TESMIN: variants seen among roughly 807,000 people sequenced by gnomAD.
The protein encoded by TESMIN is CXC domain containing 2.
TESMIN carries 34 observed loss-of-function variants against 47.4 expected under a neutral mutation model. The observed-to-expected ratio is 0.72, with a 90% CI of 0.55 to 0.96. TESMIN has a LOEUF of 0.96. TESMIN is among the 40% of genes least tolerant of loss of function. The pLI, the probability that TESMIN is intolerant of heterozygous loss-of-function variation, is 0.00. For missense variants in TESMIN, 610 were observed against 637.2 expected, an observed-to-expected ratio of 0.96 and a Z score of 0.46; for synonymous variants, 278 against 258.9, an observed-to-expected ratio of 1.07 and a Z score of -0.71.
Position 68,750,509 on chromosome 11 carries a change from T to G in TESMIN, c.152A>C (p.Glu51Ala). ...GGGGTCCGCCGGGCCCAGGTACGCT[T>G]CTTTGAAGACGTGGAACTCGTCCTC... Reference protein sequence around the residue: ...YEEDEFHVFKEAYLGPADPKE... With the variant: ...YEEDEFHVFKAAYLGPADPKE... The change falls in exon 2 of 10, where the codon GAA becomes GCA. Residue 51 changes from glutamate (E) to alanine (A), a missense_variant. Coordinates refer to ENST00000255087, the MANE Select transcript of TESMIN (RefSeq NM_004923.3). 1 of 1,604,456 alleles carries G rather than the reference T, an allele frequency of 6.2e-7. No homozygotes were observed. Among genetic ancestry groups the G allele is most frequent in the Non-Finnish European group, 8.5e-7 (1 of 1,176,084 alleles).
intron 8 of TESMIN, among the ~76,000 whole-genome samples, chr11:68,712,533 C>T (rs1461899248): frequency 1.3e-5 from 2 of 152,222 alleles, no homozygotes; most frequent in Non-Finnish European, 2.9e-5. Flanking sequence ...CTCGGCTGTT[C>T]CCCTGATAGG....
intron 5 of TESMIN, among the ~76,000 whole-genome samples, chr11:68,740,992 T>C (rs1566324737): frequency 1.3e-5 from 2 of 152,108 alleles, no homozygotes; most frequent in African/African-American, 2.4e-5. Flanking sequence ...GGGCGCATCC[T>C]TGACTCCTCT....
At chr11:68,747,132 A>T (rs1234142242) in intron 3 of TESMIN, 76 bp downstream of exon 3, 1 of 1,484,162 alleles carries the variant, frequency 6.7e-7, no homozygotes. Flanking sequence ...GAGTGAAATG[A>T]TCAGTCGACT....
intron 4 of TESMIN, 100 bp downstream of exon 4, chr11:68,744,891 T>A: frequency 9.8e-7 from 1 of 1,024,548 alleles, no homozygotes; most frequent in South Asian, 1.8e-5. Flanking sequence ...ATTTCCTATT[T>A]AATATCCTGG....
chr11:68,714,726 G>T (rs562361384), intron 7 of TESMIN, among the ~76,000 whole-genome samples: 1 of 152,288 alleles, frequency 6.6e-6, no homozygotes, highest in African/African-American at 2.4e-5. Context: ...GAACATTCCC[G>T]TACAAATCTC....
chr11:68,706,788 GT>G (rs1399216184), downstream of TESMIN, among the ~76,000 whole-genome samples: 2 of 152,228 alleles, frequency 1.3e-5, no homozygotes, highest in Non-Finnish European at 2.9e-5. Flanking sequence ...CCTTTTCAAA[GT>G]TTTACATGTA....
At chr11:68,709,319 C>G (rs1288545497) in intron 9 of TESMIN, among the ~76,000 whole-genome samples, 2 of 152,212 alleles carry the variant, frequency 1.3e-5, no homozygotes, top group Non-Finnish European at 2.9e-5. Context: ...CAGCTTTGCT[C>G]TGAGTCCTGT....
At chr11:68,732,480 G>T in intron 6 of TESMIN, 1 of 153,056 alleles carries the variant, frequency 6.5e-6, no homozygotes, top group Non-Finnish European at 1.5e-5. Flanking sequence ...GCCAGCAGCT[G>T]AGCAGCTCCC....
intron 7 of TESMIN, among the ~76,000 whole-genome samples, chr11:68,714,889 A>G (rs1464952846): frequency 6.6e-6 from 1 of 152,216 alleles, no homozygotes; most frequent in Non-Finnish European, 1.5e-5. Context: ...CAATGTATGA[A>G]AATTCCAACC....
rs999886259 is a variant in TESMIN, at chr11:68,723,981, A to T, written c.918-8042T>A. Among the ~76,000 whole-genome samples the T allele has an allele frequency of 1.1e-4, 16 of 152,246 alleles. No homozygotes were observed. In the East Asian group the frequency reaches 1.9e-3, roughly 18 times the overall value. On this transcript the variant is annotated intron_variant, in intron 6 of 9. Coordinates refer to ENST00000255087, the MANE Select transcript of TESMIN (RefSeq NM_004923.3). ...AACAAATAAATCCTACCTTACCCAA[A>T]CTTTTTTAGAGGCTAGAGAAAAAGA...
At chr11:68,715,980 C>T (rs752592353) in intron 6 of TESMIN, 41 bp from the exon 7 acceptor site, 1 of 1,329,058 alleles carries the variant, frequency 7.5e-7, no homozygotes, top group Non-Finnish European at 1.1e-6. Flanking sequence ...GCACAGACGG[C>T]ACAGTGAGTA....
rs939729345 is a variant in TESMIN at position 68,729,438 on chromosome 11, T to C, written c.917+9262A>G. 3.3e-5 allele frequency among the ~76,000 whole-genome samples: 5 copies of C among 151,452 alleles called. No individual in the cohort carries two copies. In the East Asian group the frequency reaches 7.7e-4, roughly 23 times the overall value. On this transcript the variant is annotated intron_variant, in intron 6 of 9. Coordinates refer to ENST00000255087, the MANE Select transcript of TESMIN (RefSeq NM_004923.3). The stretch of plus-strand genomic sequence containing the variant: ...TACTTGGGAGGCTGAGCCAGGAGAA[T>C]GGCTTGAACCTGGGAGGTGGAGGTT...
chr11:68,735,237 AG>A (rs1254129694), intron 6 of TESMIN, among the ~76,000 whole-genome samples: 2 of 151,998 alleles, frequency 1.3e-5, no homozygotes, highest in Non-Finnish European at 2.9e-5. Context: ...GCCTGTTCAG[AG>A]GGGGGGCTCT....
At chr11:68,713,443 T>C in intron 7 of TESMIN, 36 bp from the exon 8 acceptor site, 1 of 1,610,342 alleles carries the variant, frequency 6.2e-7, no homozygotes, top group South Asian at 1.1e-5. Flanking sequence ...AGGATGGATT[T>C]TATCATTTAA....
intron 9 of TESMIN, among the ~76,000 whole-genome samples, chr11:68,708,739 T>C (rs1946026510): frequency 6.8e-6 from 1 of 147,620 alleles, no homozygotes; most frequent in Non-Finnish European, 1.5e-5. Context: ...GAGACCAGCC[T>C]GGGCAACAAA....
intron 3 of TESMIN, among the ~76,000 whole-genome samples, chr11:68,746,240 C>T (rs1946519002): frequency 6.6e-6 from 1 of 152,236 alleles, no homozygotes; most frequent in Admixed American, 6.5e-5. Flanking sequence ...CTACTGCACA[C>T]TCCTGGGCCC....
At position 68,747,262 on chromosome 11, in the gene TESMIN, G is replaced by A; in HGVS notation, c.576C>T (p.Ser192=). 3.7e-6 allele frequency: 6 copies of A among 1,614,012 alleles called. No homozygotes were observed. The highest frequency in any genetic ancestry group is 5.1e-6 in the Non-Finnish European group (6 of 1,179,902). Residue 192 remains serine, a synonymous_variant, in exon 3 of 10, where the codon TCC becomes TCT. Transcript: ENST00000255087. ...AQESCCKFPS[S]QELEDASCCS... is the part of the protein sequence containing the mutation. ...AGCAGGAGGCATCCTCTAGTTCCTG[G>A]GACGATGGGAACTTGCAACAGGATT...
chr11:68,721,487 G>A (rs541318284), intron 6 of TESMIN, among the ~76,000 whole-genome samples: 2 of 152,200 alleles, frequency 1.3e-5, no homozygotes, highest in African/African-American at 4.8e-5. Flanking sequence ...GTTCCACTCC[G>A]ACCTTTAATT....
chr11:68,750,564 T>C lies in TESMIN; in HGVS notation c.97A>G (p.Ile33Val), dbSNP rs772468880. Reference sequence around the variant, plus strand: ...TACTTCACGGGGGCCTTCAGGCCGATGTTCTCCGAAGCGAACGGACCCTCG... The same window carrying C: ...TACTTCACGGGGGCCTTCAGGCCGACGTTCTCCGAAGCGAACGGACCCTCG... ...SPEGPFASEN[I>V]GLKAPVKYEE... The change falls in exon 2 of 10, where the codon ATC becomes GTC. Residue 33 changes from isoleucine to valine, a missense_variant. Coordinates refer to ENST00000255087, the MANE Select transcript of TESMIN (RefSeq NM_004923.3). The C allele has an allele frequency of 6.2e-7, 1 of 1,608,212 alleles. No individual in the cohort carries two copies. Among genetic ancestry groups the C allele is most frequent in the Non-Finnish European group, 8.5e-7 (1 of 1,178,170 alleles).
Sources: gnomAD v4.1 joint callset for allele counts (sites outside exome capture counted in the v4.1 genomes callset) on GRCh38, gnomAD v4.1.1 for gene constraint, MANE v1.5 for transcripts, NCBI Gene and HGNC (gene_info 2026-07-23, HGNC 2026-07-21) for gene names.